ERBB4: variants seen among roughly 807,000 people sequenced by gnomAD.
ERBB4 encodes the protein erb-b2 receptor tyrosine kinase 4, also known as receptor tyrosine-protein kinase erbB-4.
ERBB4 carries 42 observed loss-of-function variants against 158.0 expected under a neutral mutation model. That is an observed-to-expected ratio of 0.27 (90% CI 0.21 to 0.34). ERBB4 has a LOEUF of 0.34. Ranked by LOEUF, ERBB4 falls within the 10% of genes least tolerant of loss-of-function variation. The pLI, the probability that ERBB4 is intolerant of heterozygous loss-of-function variation, is 1.00. For synonymous variants in ERBB4, 583 were observed against 558.7 expected, an observed-to-expected ratio of 1.04 and a Z score of -0.61; for missense variants, 1,333 against 1,624.1, an observed-to-expected ratio of 0.82 and a Z score of 3.08.
intron 1 of ERBB4, among the ~76,000 whole-genome samples, chr2:212,198,838 C>T (rs2082509004): frequency 6.6e-6 from 1 of 150,844 alleles, no homozygotes; most frequent in Non-Finnish European, 1.5e-5. Flanking sequence ...CCCACCTCGG[C>T]CTCCCAAAGG....
intron 19 of ERBB4, among the ~76,000 whole-genome samples, chr2:211,596,056 T>C (rs1183067731): frequency 6.6e-6 from 1 of 152,054 alleles, no homozygotes; most frequent in Non-Finnish European, 1.5e-5. Context: ...AAAAATACAA[T>C]CATATTTCAA....
At chr2:211,929,228 G>A (rs1038197790) in intron 3 of ERBB4, among the ~76,000 whole-genome samples, 3 of 137,930 alleles carry the variant, frequency 2.2e-5, no homozygotes, top group Non-Finnish European at 4.7e-5. Context: ...GTTTATCTTT[G>A]GAATAAGTGT....
chr2:212,515,886 T>C (rs896372205), intron 1 of ERBB4, among the ~76,000 whole-genome samples: 7 of 152,002 alleles, frequency 4.6e-5, no homozygotes, highest in Non-Finnish European at 8.8e-5. Flanking sequence ...AAGAGTTATC[T>C]CCAGCTTCTT....
intron 1 of ERBB4, among the ~76,000 whole-genome samples, chr2:212,441,927 G>A (rs923643826): frequency 1.1e-4 from 16 of 152,140 alleles, no homozygotes; most frequent in African/African-American, 2.4e-4. Flanking sequence ...GAAACACATC[G>A]GTGAGGGCAG....
intron 2 of ERBB4, among the ~76,000 whole-genome samples, chr2:212,077,227 A>T (rs1407523359): frequency 6.6e-6 from 1 of 152,006 alleles, no homozygotes; most frequent in East Asian, 1.9e-4. Context: ...AATTATCATT[A>T]TCTACTAAAG....
intron 20 of ERBB4, among the ~76,000 whole-genome samples, chr2:211,465,300 G>A (rs775215248): frequency 3.3e-5 from 5 of 150,548 alleles, no homozygotes; most frequent in Non-Finnish European, 7.5e-5. Flanking sequence ...CAGACACCAC[G>A]TGGAACAGAA....
At chr2:211,740,669 G>A (rs2074761485) in intron 5 of ERBB4, among the ~76,000 whole-genome samples, 1 of 134,716 alleles carries the variant, frequency 7.4e-6, no homozygotes, top group Non-Finnish European at 1.6e-5. Context: ...CCTCTGTCGC[G>A]GCGTGATCTT....
intron 12 of ERBB4, among the ~76,000 whole-genome samples, chr2:211,699,615 A>G (rs1422040021): frequency 6.6e-6 from 1 of 152,144 alleles, no homozygotes; most frequent in Non-Finnish European, 1.5e-5. Flanking sequence ...GATATGCTTG[A>G]TACTATAGCA....
rs546298314 is a variant in ERBB4 at position 212,238,013 on chromosome 2, C to T, written c.83-113110G>A. Among the ~76,000 whole-genome samples the T allele has an allele frequency of 5.9e-5, 9 of 152,358 alleles. No individual in the cohort carries two copies. In the East Asian group the frequency reaches 1.7e-3, roughly 29 times the overall value. ...AGCCAGTGGATTTTAGCTTGCTGGGCTCCATGGGGGTAGGATCCGCTGAGC... is the reference window on the plus strand; with the variant it reads ...AGCCAGTGGATTTTAGCTTGCTGGGTTCCATGGGGGTAGGATCCGCTGAGC... On this transcript the variant is annotated intron_variant, in intron 1 of 27. Transcript: ENST00000342788.
intron 2 of ERBB4, among the ~76,000 whole-genome samples, chr2:211,972,406 T>A (rs2081480383): frequency 6.6e-6 from 1 of 152,174 alleles, no homozygotes. Context: ...AAAACTATTT[T>A]AAAATGCATG....
At chr2:211,621,346 T>A (rs937497132) in intron 18 of ERBB4, among the ~76,000 whole-genome samples, 1 of 152,046 alleles carries the variant, frequency 6.6e-6, no homozygotes, top group Non-Finnish European at 1.5e-5. Context: ...GAGAAAAAAA[T>A]AATCAAATAA....
chr2:212,371,115 T>C (rs970821666), intron 1 of ERBB4, among the ~76,000 whole-genome samples: 5 of 152,138 alleles, frequency 3.3e-5, no homozygotes, highest in Non-Finnish European at 5.9e-5. Context: ...TCCTCCAGAT[T>C]TTTACTGCCC....
intron 2 of ERBB4, among the ~76,000 whole-genome samples, chr2:211,954,411 T>C (rs1313355256): frequency 6.6e-6 from 1 of 152,086 alleles, no homozygotes; most frequent in African/African-American, 2.4e-5. Flanking sequence ...AGCATCTCTT[T>C]GAAAATATAC....
chr2:211,466,240 T>C (rs994429062), intron 20 of ERBB4, among the ~76,000 whole-genome samples: 1 of 152,120 alleles, frequency 6.6e-6, no homozygotes, highest in South Asian at 2.1e-4. Context: ...TAGCCTTCAC[T>C]TTCTAAGCAA....
chr2:212,436,464 G>A (rs1325749054), intron 1 of ERBB4, among the ~76,000 whole-genome samples: 1 of 151,918 alleles, frequency 6.6e-6, no homozygotes, highest in Non-Finnish European at 1.5e-5. Flanking sequence ...TCAATTTCCA[G>A]GAGAAATGCA....
chr2:211,393,606 C>T, intron 25 of ERBB4, among the ~76,000 whole-genome samples: 1 of 152,200 alleles, frequency 6.6e-6, no homozygotes, highest in Non-Finnish European at 1.5e-5. Context: ...AAGGAGGCAT[C>T]TGAAACTCAT....
intron 20 of ERBB4, among the ~76,000 whole-genome samples, chr2:211,493,599 A>G (rs1048066466): frequency 2.6e-5 from 4 of 152,086 alleles, no homozygotes; most frequent in African/African-American, 7.2e-5. Flanking sequence ...ACCTTTGCAT[A>G]GCAGTTTATG....
chr2:211,517,691 C>A (rs186917847), intron 20 of ERBB4, among the ~76,000 whole-genome samples: 60 of 152,086 alleles, frequency 3.9e-4, no homozygotes, highest in African/African-American at 1.3e-3. Flanking sequence ...TACAAGAAAG[C>A]GAATCACTGT....
chr2:212,399,584 ATT>A (rs1574847967), intron 1 of ERBB4, among the ~76,000 whole-genome samples: 4 of 115,244 alleles, frequency 3.5e-5, no homozygotes, highest in Non-Finnish European at 7.0e-5. Context: ...ATATATATAT[ATT>A]GGGCGTGGTG....
Sources: gnomAD v4.1 joint callset for allele counts (sites outside exome capture counted in the v4.1 genomes callset) on GRCh38, gnomAD v4.1.1 for gene constraint, MANE v1.5 for transcripts, NCBI Gene and HGNC (gene_info 2026-07-23, HGNC 2026-07-21) for gene names.